Variants in SCARA3 observed in about 807,000 individuals in gnomAD.
SCARA3 encodes cellular stress response gene protein.
A neutral mutation model predicts 47.0 loss-of-function variants in SCARA3; 39 were observed. The observed-to-expected ratio is 0.83, with a 90% CI of 0.64 to 1.08. The LOEUF (loss-of-function observed/expected upper bound fraction) is 1.08, where lower values mean the gene tolerates loss of function less well. Ranked by LOEUF, SCARA3 falls within the 50% of genes least tolerant of loss-of-function variation. The pLI, the probability that SCARA3 is intolerant of heterozygous loss-of-function variation, is 0.00. For missense variants in SCARA3, 724 were observed against 792.3 expected, an observed-to-expected ratio of 0.91 and a Z score of 1.04; for synonymous variants, 356 against 334.1, an observed-to-expected ratio of 1.07 and a Z score of -0.71.
chr8:27,695,297 G>A, the SCARA3 span, among the ~76,000 whole-genome samples: 1 of 152,214 alleles, frequency 6.6e-6, no homozygotes, highest in Admixed American at 6.5e-5. Flanking sequence ...TATGAAGTTA[G>A]AGGGTCTGGG....
chr8:27,712,006 A>G, the SCARA3 span, among the ~76,000 whole-genome samples: 2 of 152,224 alleles, frequency 1.3e-5, no homozygotes, highest in African/African-American at 4.8e-5. Context: ...GGTATCCACC[A>G]TTACAGTAGG....
At chr8:27,714,724 T>C in the SCARA3 span, among the ~76,000 whole-genome samples, 2 of 152,200 alleles carry the variant, frequency 1.3e-5, no homozygotes, top group Non-Finnish European at 2.9e-5. Context: ...ACCCATTCTG[T>C]TTTCTCCCTT....
At chr8:27,676,851 G>C (rs937245491), downstream of SCARA3, 6 of 300,632 alleles carry the variant, frequency 2.0e-5, no homozygotes, top group African/African-American at 1.1e-4. Flanking sequence ...ACTCTGTTGC[G>C]TCCAACACTC....
Position 27,671,733 on chromosome 8 carries a change from CAT to C in SCARA3, c.*383_*384del, listed in dbSNP as rs1297758562. 1.4e-5 allele frequency: 14 copies of C among 1,034,460 alleles called. No individual in the cohort carries two copies. The highest frequency in any genetic ancestry group is 8.5e-5 in the African/African-American group (5 of 59,086). 64.1% of individuals were successfully genotyped at this position (1,034,460 alleles called of 1,614,324 possible). ...ATGCACACATACACATGCACACACA[CAT>C]GCACACATATATGCACAGGCACACA... On this transcript the variant is annotated 3_prime_UTR_variant, in exon 6 of 6. Coordinates refer to ENST00000301904, the MANE Select transcript of SCARA3 (RefSeq NM_016240.3).
At chr8:27,717,656 G>A in the SCARA3 span, among the ~76,000 whole-genome samples, 48 of 152,098 alleles carry the variant, frequency 3.2e-4, no homozygotes, top group African/African-American at 1.0e-3. Context: ...GTGGTGGCAC[G>A]TGCCTGTAGT....
the SCARA3 span, among the ~76,000 whole-genome samples, chr8:27,682,477 T>C: frequency 5.9e-5 from 9 of 152,180 alleles, no homozygotes; most frequent in Non-Finnish European, 1.0e-4. Flanking sequence ...TAAGGTATGT[T>C]ACACATTCGG....
In SCARA3 at chr8:27,649,766, C is replaced by G; in HGVS notation, c.72C>G (p.Asp24Glu). Reference protein sequence around the residue: ...CVTEEDLAGDDEDMPTFPCTQ... With the variant: ...CVTEEDLAGDEEDMPTFPCTQ... ...CAGAAGAGGACCTGGCGGGTGACGA[C>G]GAGGACATGCCGACCTTCCCATGCA... The change falls in exon 2 of 6, where the codon GAC (aspartate) becomes GAG (glutamate). Residue 24 changes from aspartate to glutamate, a missense_variant. Coordinates refer to ENST00000301904, the MANE Select transcript of SCARA3 (RefSeq NM_016240.3). The G allele has an allele frequency of 6.2e-7, 1 of 1,614,124 alleles. No individual in the cohort carries two copies. The highest frequency in any genetic ancestry group is 8.5e-7 in the Non-Finnish European group (1 of 1,180,012).
chr8:27,646,977 C>CCCCCCCCCCCCCACCCCA (rs1801514271), intron 1 of SCARA3, among the ~76,000 whole-genome samples: 1 of 109,300 alleles, frequency 9.1e-6, no homozygotes, highest in Non-Finnish European at 2.0e-5. Flanking sequence ...CCCCCGCCCC[C>CCCCCCCCCCCCCACCCCA]CCCCCGCACA....
rs1271051612 is a variant in SCARA3 at position 27,671,850 on chromosome 8, A to G, written c.*499A>G. On this transcript the variant is annotated 3_prime_UTR_variant, in exon 6 of 6. Transcript: ENST00000301904. ...ACATACACAGATTTTTCTGCTGGCC[A>G]GGTGGGCCAACTGGGTTTCCCTGGC... 1 of 985,474 alleles carries G rather than the reference A, an allele frequency of 1.0e-6. No individual in the cohort carries two copies. The highest frequency in any genetic ancestry group is 1.2e-6 in the Non-Finnish European group (1 of 830,054). 61.0% of individuals were successfully genotyped at this position (985,474 alleles called of 1,614,324 possible). A position where few individuals can be genotyped will look rare whatever the true frequency, so the allele number is the denominator to read the frequency against.
At chr8:27,729,162 C>T in the SCARA3 span, among the ~76,000 whole-genome samples, 1 of 152,162 alleles carries the variant, frequency 6.6e-6, no homozygotes, top group African/African-American at 2.4e-5. Context: ...GAAGAGAATT[C>T]AGAGCATTGT....
At chr8:27,648,484 G>T (rs1016017621) in intron 1 of SCARA3, among the ~76,000 whole-genome samples, 1 of 152,032 alleles carries the variant, frequency 6.6e-6, no homozygotes, top group African/African-American at 2.4e-5. Context: ...GGCACCTGTA[G>T]TCCCAGCTAC....
At chr8:27,682,616 G>A in the SCARA3 span, among the ~76,000 whole-genome samples, 2 of 152,080 alleles carry the variant, frequency 1.3e-5, no homozygotes, top group African/African-American at 2.4e-5. Flanking sequence ...TATGTAACAT[G>A]TGTAAAGATG....
At chr8:27,656,243 A>G (rs1300956763) in intron 3 of SCARA3, among the ~76,000 whole-genome samples, 2 of 152,216 alleles carry the variant, frequency 1.3e-5, no homozygotes, top group Non-Finnish European at 2.9e-5. Flanking sequence ...AGCTGTTGTT[A>G]GTCTCTTACT....
chr8:27,639,792 G>C (rs573945019), intron 1 of SCARA3, among the ~76,000 whole-genome samples: 15 of 152,314 alleles, frequency 9.8e-5, no homozygotes, highest in African/African-American at 3.6e-4. Flanking sequence ...AGAGAACCAT[G>C]ATGGTAATGT....
In SCARA3 at chr8:27,669,420, G is replaced by A. The variant is rs34882817; in HGVS notation, c.1370-1480G>A. On this transcript the variant is annotated intron_variant, in intron 5 of 5. Transcript: ENST00000301904. ...CTATGGCTGTGCTGGTTCCCTGCAG[G>A]TCCTGCCAGGGTGGGGAGGTGGCTC... Among the ~76,000 whole-genome samples, 226 of 152,344 alleles carry A rather than the reference G, an allele frequency of 1.5e-3. 6 individuals carry two copies. In the East Asian group the frequency reaches 0.022, roughly 15 times the overall value.
At chr8:27,635,130 A>G (rs1037935328) in intron 1 of SCARA3, among the ~76,000 whole-genome samples, 1 of 152,184 alleles carries the variant, frequency 6.6e-6, no homozygotes, top group East Asian at 1.9e-4. Flanking sequence ...GAGATCATCT[A>G]CAGGGCTCTC....
At chr8:27,693,713 T>A in the SCARA3 span, among the ~76,000 whole-genome samples, 1 of 152,104 alleles carries the variant, frequency 6.6e-6, no homozygotes, top group Non-Finnish European at 1.5e-5. Context: ...TAAGAAACAC[T>A]TACGGTCCAT....
the SCARA3 span, among the ~76,000 whole-genome samples, chr8:27,722,781 T>C: frequency 6.6e-6 from 1 of 152,176 alleles, no homozygotes; most frequent in Non-Finnish European, 1.5e-5. Context: ...CCACGCCTTG[T>C]TTTCTGCTGC....
intron 1 of SCARA3, among the ~76,000 whole-genome samples, chr8:27,648,597 T>C (rs978381951): frequency 2.6e-5 from 4 of 151,844 alleles, no homozygotes; most frequent in Admixed American, 2.6e-4. Context: ...CAGTGAGACT[T>C]TGTCTCAAAA....
Sources: gnomAD v4.1 joint callset for allele counts (sites outside exome capture counted in the v4.1 genomes callset) on GRCh38, gnomAD v4.1.1 for gene constraint, MANE v1.5 for transcripts, NCBI Gene and HGNC (gene_info 2026-07-23, HGNC 2026-07-21) for gene names.